FRMPD4: variants seen among roughly 807,000 people sequenced by gnomAD.
The protein encoded by FRMPD4 is FERM and PDZ domain-containing protein 4.
FRMPD4 carries 22 observed loss-of-function variants against 94.1 expected under a neutral mutation model. The observed-to-expected ratio is 0.23, with a 90% CI of 0.17 to 0.33. The LOEUF is 0.33. Ranked by LOEUF, FRMPD4 falls within the 10% of genes least tolerant of loss-of-function variation. The pLI is 1.00. For missense variants in FRMPD4, 1,111 were observed against 1,339.9 expected, an observed-to-expected ratio of 0.83 and a Z score of 2.67; for synonymous variants, 631 against 548.6, an observed-to-expected ratio of 1.15 and a Z score of -2.10.
chrX:12,080,501 T>A (rs1020926437), intron 3 of FRMPD4, among the ~76,000 whole-genome samples: 1 of 111,879 alleles, frequency 8.9e-6, no homozygotes, highest in African/African-American at 3.2e-5. Flanking sequence ...AAATTTTAAG[T>A]GAGGAGAAAA....
chrX:12,480,819 T>G (rs1410667856), intron 1 of FRMPD4, among the ~76,000 whole-genome samples: 3 of 112,522 alleles, frequency 2.7e-5, no homozygotes, highest in Non-Finnish European at 5.6e-5. Context: ...CTAAGATTAT[T>G]TTTGAGTTAA....
At chrX:12,101,138 T>C (rs6640890) in intron 3 of FRMPD4, among the ~76,000 whole-genome samples, 8,656 of 111,375 alleles carry the variant, frequency 0.078, 909 homozygotes, top group East Asian at 0.61. Context: ...GGGGGTGTGT[T>C]TCTGTAGATG....
At chrX:12,652,276 A>ATAATC (rs2059602241) in intron 4 of FRMPD4, among the ~76,000 whole-genome samples, 1 of 112,536 alleles carries the variant, frequency 8.9e-6, no homozygotes, top group African/African-American at 3.2e-5. Flanking sequence ...CTGCTATTAG[A>ATAATC]TAGGGCTGTA....
chrX:12,197,175 G>A (rs772698942), intron 1 of FRMPD4, among the ~76,000 whole-genome samples: 2 of 110,965 alleles, frequency 1.8e-5, no homozygotes, highest in Admixed American at 9.6e-5. Flanking sequence ...TAACTTTGCC[G>A]AGATAGGCCT....
At chrX:12,287,501 T>C (rs534839917) in intron 1 of FRMPD4, among the ~76,000 whole-genome samples, 2 of 111,686 alleles carry the variant, frequency 1.8e-5, no homozygotes, top group South Asian at 7.5e-4. Flanking sequence ...ATAAAGGAGT[T>C]TGGCTATTAC....
intron 13 of FRMPD4, among the ~76,000 whole-genome samples, chrX:12,709,226 G>A (rs999904865): frequency 6.3e-5 from 7 of 111,721 alleles, no homozygotes; most frequent in African/African-American, 2.3e-4. Context: ...GCTTTGGCAG[G>A]AAAGTTAAAT....
At chrX:12,039,221 T>A (rs1461595847) in intron 3 of FRMPD4, among the ~76,000 whole-genome samples, 2 of 106,608 alleles carry the variant, frequency 1.9e-5, no homozygotes, top group East Asian at 3.3e-4. Context: ...TTATTTATTT[T>A]TATTTTTTTT....
At chrX:12,262,446 C>G (rs1458423288) in intron 1 of FRMPD4, among the ~76,000 whole-genome samples, 1 of 110,863 alleles carries the variant, frequency 9.0e-6, no homozygotes, top group East Asian at 2.8e-4. Flanking sequence ...CCTGGTTTAG[C>G]ACATGAGGTT....
At chrX:11,916,849 G>A (rs1569124977) in intron 3 of FRMPD4, among the ~76,000 whole-genome samples, 1 of 111,392 alleles carries the variant, frequency 9.0e-6, no homozygotes, top group Non-Finnish European at 1.9e-5. Flanking sequence ...CCTCTTTCTT[G>A]TCAGCAGAGC....
chrX:12,481,966 A>AAAAAAAAAAAAAAAAAAAAAAAG (rs2057691005), intron 1 of FRMPD4, among the ~76,000 whole-genome samples: 1 of 100,044 alleles, frequency 1.0e-5, no homozygotes, highest in Non-Finnish European at 2.0e-5. Flanking sequence ...AAAAAAAAAA[A>AAAAAAAAAAAAAAAAAAAAAAAG]AAAAAGAAAG....
chrX:12,616,481 G>A (rs1339520951), intron 4 of FRMPD4, among the ~76,000 whole-genome samples: 1 of 112,119 alleles, frequency 8.9e-6, no homozygotes, highest in Non-Finnish European at 1.9e-5. Context: ...GCTTAATGGA[G>A]TCTTCCCAGA....
chrX:12,489,093 G>C (rs1462146103), intron 1 of FRMPD4, among the ~76,000 whole-genome samples: 1 of 111,760 alleles, frequency 8.9e-6, no homozygotes, highest in East Asian at 2.8e-4. Flanking sequence ...TAAATTTGCT[G>C]ATCCCTACTA....
At chrX:12,679,755 G>A (rs1354897164) in intron 5 of FRMPD4, among the ~76,000 whole-genome samples, 1 of 112,139 alleles carries the variant, frequency 8.9e-6, no homozygotes, top group Non-Finnish European at 1.9e-5. Context: ...TCTGAGGCAT[G>A]TGGTCTACCT....
chrX:12,171,569 G>C (rs1292125306), intron 1 of FRMPD4, among the ~76,000 whole-genome samples: 1 of 111,236 alleles, frequency 9.0e-6, no homozygotes, highest in African/African-American at 3.3e-5. Context: ...CTTACAACTT[G>C]GCAAGATACT....
rs756053026 is a variant in FRMPD4, at chrX:12,497,099, AGAT to A, written c.42-1580_42-1578del. ...GGAAAAGGAAAAGGAAAGGAAAGGA[AGAT>A]AGTTTATTTGTTTTCAATAAGTTAG... On this transcript the variant is annotated intron_variant, in intron 1 of 16. Coordinates refer to ENST00000675598, the MANE Select transcript of FRMPD4 (RefSeq NM_001368397.1). Among the ~76,000 whole-genome samples the A allele has an allele frequency of 2.7e-5, 3 of 111,447 alleles. No individual in the cohort carries two copies. The South Asian group carries it at 1.2e-3, about 43-fold the overall frequency.
At chrX:11,942,488 T>C (rs995038116) in intron 3 of FRMPD4, among the ~76,000 whole-genome samples, 1 of 111,579 alleles carries the variant, frequency 9.0e-6, no homozygotes, top group African/African-American at 3.3e-5. Context: ...ACTCTAGTTG[T>C]AGTAAAATTA....
chrX:11,926,976 A>G (rs1252300826), intron 3 of FRMPD4, among the ~76,000 whole-genome samples: 1 of 111,596 alleles, frequency 9.0e-6, no homozygotes, highest in Non-Finnish European at 1.9e-5. Context: ...TTTGCAGACG[A>G]CATTATCCTA....
chrX:11,856,009 A>G (rs2053651374), intron 1 of FRMPD4, among the ~76,000 whole-genome samples: 1 of 112,178 alleles, frequency 8.9e-6, no homozygotes, highest in African/African-American at 3.2e-5. Context: ...GGTTTAATTG[A>G]CTTACAATTC....
At chrX:12,091,259 A>T (rs187393244) in intron 3 of FRMPD4, among the ~76,000 whole-genome samples, 40 of 47,453 alleles carry the variant, frequency 8.4e-4, no homozygotes, top group Admixed American at 8.0e-3. Flanking sequence ...CTAGGATTTT[A>T]AAAAAAAGCA....
Sources: allele counts gnomAD v4.1 joint callset (sites outside exome capture counted in the v4.1 genomes callset), GRCh38; gene constraint gnomAD v4.1.1; transcripts MANE v1.5; gene names NCBI Gene and HGNC (gene_info 2026-07-23, HGNC 2026-07-21).